Variants in MARCHF1 observed in about 807,000 individuals in gnomAD.
MARCHF1 encodes the protein E3 ubiquitin-protein ligase MARCHF1.
In MARCHF1, 40 loss-of-function variants were observed where a neutral mutation model predicts 54.2. That is an observed-to-expected ratio of 0.74 (90% confidence interval 0.57 to 0.96). MARCHF1 has a LOEUF of 0.96. Ranked by LOEUF, MARCHF1 falls within the 40% of genes least tolerant of loss-of-function variation. MARCHF1 has a pLI of 0.00. For missense variants in MARCHF1, 586 were observed against 656.5 expected, an observed-to-expected ratio of 0.89 and a Z score of 1.17; for synonymous variants, 236 against 236.3, an observed-to-expected ratio of 1.00 and a Z score of 0.01.
chr4:163,908,775 C>T (rs1013866822), intron 3 of MARCHF1, among the ~76,000 whole-genome samples: 9 of 152,102 alleles, frequency 5.9e-5, no homozygotes, highest in Admixed American at 5.9e-4. Flanking sequence ...AGCATCTCCC[C>T]ACCACGACAC....
chr4:164,245,011 C>T (rs1732897261), intron 1 of MARCHF1, among the ~76,000 whole-genome samples: 2 of 152,126 alleles, frequency 1.3e-5, no homozygotes, highest in Non-Finnish European at 2.9e-5. Context: ...GGATACACAG[C>T]CGAATTCTAC....
At chr4:164,186,139 C>T (rs540463880) in intron 1 of MARCHF1, among the ~76,000 whole-genome samples, 191 of 152,098 alleles carry the variant, frequency 1.3e-3, no homozygotes, top group Non-Finnish European at 2.4e-3. Flanking sequence ...ATGATCTGCC[C>T]GCCTCAGCCT....
At chr4:164,016,719 A>T (rs1753551336) in intron 2 of MARCHF1, among the ~76,000 whole-genome samples, 2 of 152,176 alleles carry the variant, frequency 1.3e-5, no homozygotes, top group African/African-American at 2.4e-5. Flanking sequence ...ACAGTTAGAT[A>T]GAATGAATAA....
intron 2 of MARCHF1, among the ~76,000 whole-genome samples, chr4:164,005,577 A>G (rs1435808575): frequency 1.3e-5 from 2 of 152,264 alleles, no homozygotes; most frequent in East Asian, 1.9e-4. Context: ...GAGGTGGTCA[A>G]CCAGCTTCTG....
chr4:163,946,906 A>G (rs934188378), intron 3 of MARCHF1, among the ~76,000 whole-genome samples: 4 of 152,240 alleles, frequency 2.6e-5, no homozygotes, highest in Non-Finnish European at 5.9e-5. Flanking sequence ...TCTCTACACC[A>G]TTAGAATACC....
At chr4:164,017,374 AC>A (rs1030847494) in intron 2 of MARCHF1, among the ~76,000 whole-genome samples, 58 of 152,188 alleles carry the variant, frequency 3.8e-4, no homozygotes, top group African/African-American at 1.4e-3. Flanking sequence ...CCTACACAAA[AC>A]AAAATTATCT....
chr4:164,023,680 T>C (rs1753712806), intron 2 of MARCHF1, among the ~76,000 whole-genome samples: 1 of 152,308 alleles, frequency 6.6e-6, no homozygotes, highest in East Asian at 1.9e-4. Flanking sequence ...AAAAAGCCAG[T>C]ATCCCCTTAC....
intron 1 of MARCHF1, among the ~76,000 whole-genome samples, chr4:164,300,902 G>A (rs1734539752): frequency 6.6e-6 from 1 of 151,940 alleles, no homozygotes. Context: ...ATTCAGGGTG[G>A]CACCAAAAAA....
intron 3 of MARCHF1, among the ~76,000 whole-genome samples, chr4:163,954,787 C>G (rs2110792323): frequency 6.6e-6 from 1 of 152,266 alleles, no homozygotes; most frequent in East Asian, 1.9e-4. Flanking sequence ...CTAAATAAAA[C>G]TGGCTTCTCA....
chr4:163,844,910 A>G (rs7693115), intron 4 of MARCHF1, among the ~76,000 whole-genome samples: 127,798 of 152,096 alleles, frequency 0.84, 55,473 homozygotes, highest in Non-Finnish European at 0.97. Flanking sequence ...GTTAAGAACC[A>G]TCATGCTATA....
chr4:164,178,917 A>G (rs940545098), intron 1 of MARCHF1, among the ~76,000 whole-genome samples: 1 of 152,186 alleles, frequency 6.6e-6, no homozygotes, highest in African/African-American at 2.4e-5. Context: ...ACCTTGCATC[A>G]TAGTTGTTGG....
chr4:164,380,528 C>T (rs1235501579), intron 1 of MARCHF1, among the ~76,000 whole-genome samples: 2 of 152,144 alleles, frequency 1.3e-5, no homozygotes, highest in African/African-American at 4.8e-5. Context: ...CACTGAAACA[C>T]TAGGAGGTAG....
At position 163,957,558 on chromosome 4, in the gene MARCHF1, T is replaced by C. The variant is rs145990883; in HGVS notation, c.-39+30943A>G. 7.2e-5 allele frequency among the ~76,000 whole-genome samples: 11 copies of C among 152,156 alleles called. No homozygotes were observed. The East Asian group carries it at 1.5e-3, about 21-fold the overall frequency. Reference sequence around the variant, plus strand: ...TGAAGAAGGGAAGTGAGATATCAAATTGAGTGAGCAGCTACTTTAATAGGT... The same window carrying C: ...TGAAGAAGGGAAGTGAGATATCAAACTGAGTGAGCAGCTACTTTAATAGGT... On this transcript the variant is annotated intron_variant, in intron 3 of 9. Transcript: ENST00000514618.
intron 1 of MARCHF1, among the ~76,000 whole-genome samples, chr4:164,201,555 AAGAGTTGGGAGGCTATTGTAGC>A (rs1353945512): frequency 5.9e-5 from 9 of 152,142 alleles, no homozygotes; most frequent in African/African-American, 2.2e-4. Context: ...TAAGTAGGAC[AAGAGTTGGGAGGCTATTGTAGC>A]AGTATAGTCA....
chr4:164,311,284 G>GA (rs966389425), intron 1 of MARCHF1, among the ~76,000 whole-genome samples: 21 of 151,458 alleles, frequency 1.4e-4, no homozygotes, highest in East Asian at 5.8e-4. Flanking sequence ...GTAATACTGG[G>GA]AAAAAAAAGG....
intron 4 of MARCHF1, among the ~76,000 whole-genome samples, chr4:163,845,055 C>G (rs1376104967): frequency 6.6e-6 from 1 of 152,116 alleles, no homozygotes; most frequent in Non-Finnish European, 1.5e-5. Flanking sequence ...ATTTCTCTCT[C>G]TGTATAAGGA....
intron 8 of MARCHF1, among the ~76,000 whole-genome samples, chr4:163,562,894 C>T (rs1425859893): frequency 6.6e-6 from 1 of 152,176 alleles, no homozygotes; most frequent in Non-Finnish European, 1.5e-5. Flanking sequence ...CCTTCATCTT[C>T]GGCCCTGGCA....
At chr4:163,848,741 A>G (rs1297378204) in intron 4 of MARCHF1, among the ~76,000 whole-genome samples, 1 of 152,208 alleles carries the variant, frequency 6.6e-6, no homozygotes, top group Non-Finnish European at 1.5e-5. Flanking sequence ...TTGTGAGGAT[A>G]TGTGCTTAAT....
intron 1 of MARCHF1, among the ~76,000 whole-genome samples, chr4:164,279,945 T>C (rs956286599): frequency 1.3e-5 from 2 of 151,812 alleles, no homozygotes; most frequent in African/African-American, 4.8e-5. Flanking sequence ...CAACTAAGTA[T>C]GTATTATTCT....
Sources: gnomAD v4.1 joint callset for allele counts (sites outside exome capture counted in the v4.1 genomes callset) on GRCh38, gnomAD v4.1.1 for gene constraint, MANE v1.5 for transcripts, NCBI Gene and HGNC (gene_info 2026-07-23, HGNC 2026-07-21) for gene names.